GLI3: variants seen among roughly 807,000 people sequenced by gnomAD.
GLI3 encodes the protein GLI family zinc finger 3, also known as transcription activator GLI3.
In GLI3, 20 loss-of-function variants were observed where a neutral mutation model predicts 100.8. The ratio of observed to expected loss-of-function variants is 0.20; its 90% confidence interval spans 0.14 to 0.29. GLI3 has a LOEUF of 0.29. Ranked by LOEUF, GLI3 falls within the 10% of genes least tolerant of loss-of-function variation. GLI3 has a pLI of 1.00. For synonymous variants in GLI3, 938 were observed against 860.5 expected (o/e 1.09, Z -1.58); for missense variants, 2,040 against 2,128.5 (o/e 0.96, Z 0.82).
At chr7:41,978,849 T>C (rs1583749435) in intron 10 of GLI3, 101 bp from the exon 11 acceptor site, 1 of 998,130 alleles carries the variant, frequency 1.0e-6, no homozygotes, top group African/African-American at 1.6e-5. Flanking sequence ...TTAAAAATTC[T>C]AAAGACCACA....
At chr7:42,129,129 G>C (rs1393375245) in intron 3 of GLI3, among the ~76,000 whole-genome samples, 1 of 152,078 alleles carries the variant, frequency 6.6e-6, no homozygotes, top group East Asian at 1.9e-4. Context: ...AATTTACCAG[G>C]CCCTTACTCT....
intron 4 of GLI3, among the ~76,000 whole-genome samples, chr7:42,062,958 A>T (rs1784601545): frequency 6.6e-6 from 1 of 152,172 alleles, no homozygotes; most frequent in Non-Finnish European, 1.5e-5. Context: ...ACTGTATTGC[A>T]GATAAATAAA....
At chr7:41,991,148 C>T (rs1414673302) in intron 10 of GLI3, among the ~76,000 whole-genome samples, 3 of 152,142 alleles carry the variant, frequency 2.0e-5, no homozygotes, top group African/African-American at 2.4e-5. Context: ...AGGTTGGCTG[C>T]GGGAATGCAG....
At chr7:42,202,271 T>C (rs1788055482) in intron 2 of GLI3, among the ~76,000 whole-genome samples, 1 of 151,802 alleles carries the variant, frequency 6.6e-6, no homozygotes, top group Non-Finnish European at 1.5e-5. Context: ...CCCTCTTTGG[T>C]CTGTGTTCTC....
intron 6 of GLI3, among the ~76,000 whole-genome samples, chr7:42,043,951 C>G (rs1317806161): frequency 6.6e-6 from 1 of 152,116 alleles, no homozygotes; most frequent in Non-Finnish European, 1.5e-5. Context: ...TGCTAAAAAG[C>G]CAAACAACAG....
chr7:42,098,204 T>C (rs1785383141), intron 3 of GLI3, among the ~76,000 whole-genome samples: 1 of 152,064 alleles, frequency 6.6e-6, no homozygotes. Flanking sequence ...TGGATGTACT[T>C]GCACATGCCC....
At chr7:42,115,483 A>C (rs1785830380) in intron 3 of GLI3, among the ~76,000 whole-genome samples, 1 of 152,122 alleles carries the variant, frequency 6.6e-6, no homozygotes, top group Non-Finnish European at 1.5e-5. Flanking sequence ...ACAGATTTTC[A>C]ATCTCTGAAT....
chr7:42,216,790 T>C (rs1162825020), intron 2 of GLI3, among the ~76,000 whole-genome samples: 4 of 152,176 alleles, frequency 2.6e-5, no homozygotes, highest in Non-Finnish European at 4.4e-5. Flanking sequence ...AAACATGCAT[T>C]GGTGTTAGCA....
intron 10 of GLI3, among the ~76,000 whole-genome samples, chr7:41,983,800 C>T (rs892682344): frequency 2.0e-5 from 3 of 152,126 alleles, no homozygotes; most frequent in African/African-American, 7.2e-5. Flanking sequence ...AGCCAAGTCC[C>T]GACACTGAGC....
chr7:41,968,571 C>A (rs1332721999), intron 13 of GLI3, among the ~76,000 whole-genome samples: 1 of 151,998 alleles, frequency 6.6e-6, no homozygotes, highest in Non-Finnish European at 1.5e-5. Context: ...TCTCCTCCCT[C>A]CTTCCACATT....
intron 2 of GLI3, among the ~76,000 whole-genome samples, chr7:42,164,019 T>C (rs1418268924): frequency 7.9e-5 from 12 of 152,192 alleles, no homozygotes; most frequent in African/African-American, 2.9e-4. Flanking sequence ...AATTTTTTTT[T>C]CCTTTTGTAA....
At chr7:41,987,084 A>G (rs1236706885) in intron 10 of GLI3, among the ~76,000 whole-genome samples, 1 of 74,304 alleles carries the variant, frequency 1.3e-5, no homozygotes, top group African/African-American at 4.9e-5. Context: ...GCTACAACAT[A>G]CACAGACACA....
chr7:42,009,615 T>C (rs1788557334), intron 10 of GLI3, among the ~76,000 whole-genome samples: 1 of 152,088 alleles, frequency 6.6e-6, no homozygotes, highest in Non-Finnish European at 1.5e-5. Flanking sequence ...GATCTTACTC[T>C]TGTGTCAGCT....
At chr7:42,000,411 G>A (rs1332024002) in intron 10 of GLI3, among the ~76,000 whole-genome samples, 1 of 152,154 alleles carries the variant, frequency 6.6e-6, no homozygotes, top group Non-Finnish European at 1.5e-5. Flanking sequence ...ATGTTTGCGA[G>A]TTGAGATAGG....
intron 2 of GLI3, among the ~76,000 whole-genome samples, chr7:42,187,183 T>C (rs564154021): frequency 6.0e-5 from 9 of 149,162 alleles, no homozygotes; most frequent in African/African-American, 2.2e-4. Context: ...TACACTCAAG[T>C]CTGAGTGACA....
At chr7:42,085,997 G>A (rs1785094883) in intron 3 of GLI3, among the ~76,000 whole-genome samples, 1 of 152,184 alleles carries the variant, frequency 6.6e-6, no homozygotes, top group South Asian at 2.1e-4. Flanking sequence ...AAGCTCTGAA[G>A]GATTATTGAC....
chr7:42,151,163 C>G (rs1010425734), intron 2 of GLI3: 4 of 152,116 alleles, frequency 2.6e-5, no homozygotes, highest in Non-Finnish European at 4.4e-5. Flanking sequence ...CAGTGCTACC[C>G]TAATTTTACC....
intron 2 of GLI3, among the ~76,000 whole-genome samples, chr7:42,197,359 C>T (rs1339556649): frequency 6.6e-6 from 1 of 152,166 alleles, no homozygotes; most frequent in Admixed American, 6.5e-5. Context: ...CAAGATGCCC[C>T]GGCAGAAGTT....
At chr7:42,159,803 G>T (rs1360054993) in intron 2 of GLI3, among the ~76,000 whole-genome samples, 1 of 152,284 alleles carries the variant, frequency 6.6e-6, no homozygotes, top group African/African-American at 2.4e-5. Flanking sequence ...TTTTACAGGA[G>T]GTGCATGCAG....
Sources: allele counts gnomAD v4.1 joint callset (sites outside exome capture counted in the v4.1 genomes callset), GRCh38; gene constraint gnomAD v4.1.1; transcripts MANE v1.5; gene names NCBI Gene and HGNC (gene_info 2026-07-23, HGNC 2026-07-21).